Variants in ELF5 observed in about 807,000 individuals in gnomAD.
ELF5 encodes the protein ETS-related transcription factor Elf-5.
In ELF5, 31 loss-of-function variants were observed where a neutral mutation model predicts 38.2. The observed-to-expected ratio is 0.81, with a 90% CI of 0.61 to 1.10. The LOEUF (loss-of-function observed/expected upper bound fraction) is 1.10, where lower values mean the gene tolerates loss of function less well. ELF5 is among the 50% of genes least tolerant of loss of function. ELF5 has a pLI of 0.00. For missense variants in ELF5, 300 were observed against 306.6 expected (o/e 0.98, Z 0.16); for synonymous variants, 121 against 112.5 (o/e 1.08, Z -0.48).
intron 4 of ELF5, among the ~76,000 whole-genome samples, chr11:34,487,402 C>T (rs1850026454): frequency 6.6e-6 from 1 of 152,194 alleles, no homozygotes; most frequent in Admixed American, 6.5e-5. Flanking sequence ...ACTTCTATTT[C>T]TAGAAACTTC....
chr11:34,488,613 G>A (rs1446235352), intron 4 of ELF5, among the ~76,000 whole-genome samples: 2 of 152,206 alleles, frequency 1.3e-5, no homozygotes, highest in Non-Finnish European at 2.9e-5. Flanking sequence ...GAATCTAACT[G>A]TGGCTAGTTA....
chr11:34,487,737 A>G (rs368672841), intron 4 of ELF5, among the ~76,000 whole-genome samples: 2 of 152,188 alleles, frequency 1.3e-5, no homozygotes, highest in South Asian at 4.2e-4. Context: ...CGCCTCCACT[A>G]TCACAGAATT....
intron 1 of ELF5, chr11:34,511,866 G>T: frequency 2.3e-6 from 1 of 437,544 alleles, no homozygotes; most frequent in South Asian, 3.2e-5. Flanking sequence ...CTTCACTCTG[G>T]GCATGTGACC....
intron 3 of ELF5, among the ~76,000 whole-genome samples, chr11:34,490,983 G>T (rs751736803): frequency 6.6e-6 from 1 of 152,130 alleles, no homozygotes; most frequent in Non-Finnish European, 1.5e-5. Context: ...TCCCCAGGTT[G>T]CTAGGCCCTT....
Position 34,479,582 on chromosome 11 carries a change from C to T in ELF5, c.*636G>A, listed in dbSNP as rs999010064. The T allele has an allele frequency of 2.6e-5, 4 of 151,810 alleles. No individual in the cohort carries two copies. The highest frequency in any genetic ancestry group is 2.1e-4 in the South Asian group (1 of 4,804). 9.4% of individuals were successfully genotyped at this position (151,810 alleles called of 1,614,324 possible). ...TTAAGATACTTTTCTGCCCAGGTGCCGTGGCTCACGCTTGTAATCACAGTA... is the reference window on the plus strand; with the variant it reads ...TTAAGATACTTTTCTGCCCAGGTGCTGTGGCTCACGCTTGTAATCACAGTA... On this transcript the variant is annotated 3_prime_UTR_variant, in exon 7 of 7. Transcript: ENST00000257832.
At chr11:34,500,891 G>A (rs1003064725) in intron 2 of ELF5, among the ~76,000 whole-genome samples, 2 of 151,968 alleles carry the variant, frequency 1.3e-5, no homozygotes, top group Non-Finnish European at 2.9e-5. Context: ...TACAAAAAGT[G>A]CTTTCTTCAA....
intron 1 of ELF5, chr11:34,511,656 A>C: frequency 6.4e-7 from 1 of 1,562,240 alleles, no homozygotes; most frequent in Non-Finnish European, 8.8e-7. Flanking sequence ...GAGAGGGTCC[A>C]CCGAGTTGGA....
intron 6 of ELF5, 49 bp downstream of exon 6, chr11:34,480,723 G>T (rs1322946347): frequency 2.5e-6 from 4 of 1,582,710 alleles, no homozygotes; most frequent in Non-Finnish European, 3.5e-6. Context: ...GCCAGCCATT[G>T]TATATAACTC....
chr11:34,488,473 C>T (rs1303605921), intron 4 of ELF5, among the ~76,000 whole-genome samples: 1 of 152,202 alleles, frequency 6.6e-6, no homozygotes. Flanking sequence ...GGGCTTGTCT[C>T]ATATTGGGAA....
Position 34,500,481 on chromosome 11 carries a change from C to T in ELF5, c.121+5148G>A, listed in dbSNP as rs75524696. On this transcript the variant is annotated intron_variant, in intron 2 of 6. Coordinates refer to ENST00000257832, the MANE Select transcript of ELF5 (RefSeq NM_001422.4). ...AGACCATGAGATGGAAAAGTTAAGT[C>T]CAGTGCAGCATAGGAAACTGTATAG... Among the ~76,000 whole-genome samples the T allele has an allele frequency of 1.1e-3, 174 of 152,342 alleles. 1 individual carries two copies. The highest frequency in any genetic ancestry group is 1.9e-3 in the Non-Finnish European group (129 of 68,026).
At chr11:34,510,985 G>T (rs962882026) in intron 1 of ELF5, among the ~76,000 whole-genome samples, 1 of 152,092 alleles carries the variant, frequency 6.6e-6, no homozygotes, top group Non-Finnish European at 1.5e-5. Flanking sequence ...TGGGCCTGGA[G>T]TTATGATTCT....
rs749872567 is a variant in ELF5, at chr11:34,480,967, C to T, written c.476G>A (p.Ser159Asn). The T allele has an allele frequency of 3.1e-6, 5 of 1,593,080 alleles. No individual in the cohort carries two copies. The highest frequency in any genetic ancestry group is 4.3e-6 in the Non-Finnish European group (5 of 1,172,704). The change falls in exon 6 of 7, where the codon AGC becomes AAC. Residue 159 changes from serine (S) to asparagine (N), a missense_variant and splice_region_variant. Transcript: ENST00000257832. ...SQDCHSHSRT[S>N]LQSSHLWEFV... ...TTCCCATAGATGAGAACTTTGGAGG[C>T]CTTTTGAAAAGGGGAAAACATTAAC...
chr11:34,508,816 A>G (rs1800421218), intron 1 of ELF5, among the ~76,000 whole-genome samples: 1 of 152,216 alleles, frequency 6.6e-6, no homozygotes, highest in African/African-American at 2.4e-5. Flanking sequence ...AAGGTCACAT[A>G]GCCAGTGGAT....
chr11:34,481,444 TG>T (rs1856942204), intron 5 of ELF5, among the ~76,000 whole-genome samples: 2 of 152,224 alleles, frequency 1.3e-5, no homozygotes, highest in Non-Finnish European at 2.9e-5. Context: ...TACTGAGCTG[TG>T]ACATGTCTGT....
chr11:34,508,101 G>A (rs534737461), intron 1 of ELF5, among the ~76,000 whole-genome samples: 29 of 152,118 alleles, frequency 1.9e-4, no homozygotes, highest in East Asian at 3.8e-4. Flanking sequence ...AAATATTTAA[G>A]CATTTGAATA....
intron 1 of ELF5, among the ~76,000 whole-genome samples, chr11:34,506,957 A>G (rs1850628015): frequency 3.3e-5 from 5 of 152,176 alleles, no homozygotes; most frequent in African/African-American, 1.2e-4. Flanking sequence ...TCTAGCACAA[A>G]ACAGTCCTGA....
intron 1 of ELF5, among the ~76,000 whole-genome samples, chr11:34,510,800 C>T (rs1214059660): frequency 6.6e-6 from 1 of 152,014 alleles, no homozygotes; most frequent in East Asian, 1.9e-4. Flanking sequence ...GAAAAAATGA[C>T]CTAAAAAGTG....
Position 34,480,228 on chromosome 11 carries a change from T to C in ELF5, c.758A>G (p.Asp253Gly). ...GATGCCTGGAGCAGATCATAGCTTGTCTTCCTGCCACCCGTGTGCATTTTT... is the reference window on the plus strand; with the variant it reads ...GATGCCTGGAGCAGATCATAGCTTGCCTTCCTGCCACCCGTGTGCATTTTT... ...FGKNAHGWQE[D>G]KL The change falls in exon 7 of 7, where the codon GAC becomes GGC. Residue 253 changes from aspartate (D) to glycine (G), a missense_variant. By Grantham distance (94) the Asp-to-Gly change is moderately conservative. Transcript: ENST00000257832. The C allele has an allele frequency of 1.9e-6, 3 of 1,613,972 alleles. No homozygotes were observed. The highest frequency in any genetic ancestry group is 2.5e-6 in the Non-Finnish European group (3 of 1,179,876).
At position 34,480,828 on chromosome 11, in the gene ELF5, C is replaced by T; in HGVS notation, c.615G>A (p.Trp205Ter). The T allele has an allele frequency of 6.2e-7, 1 of 1,614,084 alleles. No individual in the cohort carries two copies. The highest frequency in any genetic ancestry group is 8.5e-7 in the Non-Finnish European group (1 of 1,180,020). ...VVKSEALAKM[W>*]GQRKKNDRMT... ...TTCTGTCATTTTTCTTCCTTTGTCC[C>T]CACATCTTTGCCAGGGCTTCCGATT... Residue 205 changes from tryptophan (W) to a stop codon, truncating the protein, a stop_gained, in exon 6 of 7, where the codon TGG becomes TGA. Coordinates refer to ENST00000257832, the MANE Select transcript of ELF5 (RefSeq NM_001422.4). LOFTEE classifies it high-confidence loss of function.
Sources: allele counts gnomAD v4.1 joint callset (sites outside exome capture counted in the v4.1 genomes callset), GRCh38; gene constraint gnomAD v4.1.1; transcripts MANE v1.5; gene names NCBI Gene and HGNC (gene_info 2026-07-23, HGNC 2026-07-21).